DCLK1: variants seen among roughly 807,000 people sequenced by gnomAD.
DCLK1 encodes serine/threonine-protein kinase DCLK1.
DCLK1 carries 16 observed loss-of-function variants against 86.2 expected under a neutral mutation model. The observed-to-expected ratio is 0.19, with a 90% CI of 0.13 to 0.28. DCLK1 has a LOEUF of 0.28. Ranked by LOEUF, DCLK1 falls within the 10% of genes least tolerant of loss-of-function variation. DCLK1 has a pLI of 1.00. For missense variants in DCLK1, 590 were observed against 940.2 expected (o/e 0.63, Z 4.87); for synonymous variants, 369 against 370.5 (o/e 1.00, Z 0.05).
Position 35,846,582 on chromosome 13 carries a change from A to C in DCLK1, c.1036-7406T>G, listed in dbSNP as rs539960786. On this transcript the variant is annotated intron_variant, in intron 6 of 16. Coordinates refer to ENST00000360631, the MANE Select transcript of DCLK1 (RefSeq NM_001330071.2). ...CTGATTTCCTCTTTTTTCCACATGCATAACAGGCACAAAATTACAAATATT... is the reference window on the plus strand; with the variant it reads ...CTGATTTCCTCTTTTTTCCACATGCCTAACAGGCACAAAATTACAAATATT... 631 of 985,360 alleles carry C rather than the reference A, an allele frequency of 6.4e-4. 4 individuals carry two copies. In the African/African-American group the frequency reaches 0.011, roughly 16 times the overall value. 61.0% of individuals were successfully genotyped at this position (985,360 alleles called of 1,614,324 possible).
chr13:35,976,525 G>GTTTTTTTTTTTTGTTTTTTTTTTTT (rs1879343151), intron 3 of DCLK1, among the ~76,000 whole-genome samples: 1 of 56,350 alleles, frequency 1.8e-5, no homozygotes, highest in African/African-American at 6.2e-5. Context: ...CTTCTCCGAG[G>GTTTTTTTTTTTTGTTTTTTTTTTTT]TTTTTTTTTT....
intron 3 of DCLK1, among the ~76,000 whole-genome samples, chr13:36,094,472 C>T (rs866809888): frequency 4.6e-5 from 7 of 152,096 alleles, no homozygotes; most frequent in Non-Finnish European, 4.4e-5. Context: ...TGTTCTGTTG[C>T]GTTATTAAAC....
At chr13:35,989,537 G>C (rs1351371779) in intron 3 of DCLK1, among the ~76,000 whole-genome samples, 1 of 152,102 alleles carries the variant, frequency 6.6e-6, no homozygotes, top group East Asian at 1.9e-4. Flanking sequence ...TTCCCAAAGT[G>C]CTGGGATTAC....
intron 3 of DCLK1, among the ~76,000 whole-genome samples, chr13:36,008,223 TATTA>T (rs1431531766): frequency 1.0e-3 from 86 of 83,462 alleles, no homozygotes; most frequent in African/African-American, 1.2e-3. Flanking sequence ...TTATTATTAT[TATTA>T]TTTTTTTAAT....
intron 3 of DCLK1, among the ~76,000 whole-genome samples, chr13:35,988,700 T>G (rs966160848): frequency 2.0e-5 from 3 of 152,218 alleles, no homozygotes; most frequent in Non-Finnish European, 4.4e-5. Context: ...AACTGGTGAC[T>G]CCTCACTGTC....
intron 3 of DCLK1, among the ~76,000 whole-genome samples, chr13:36,075,045 A>G (rs556151002): frequency 1.1e-3 from 163 of 152,274 alleles, no homozygotes; most frequent in Non-Finnish European, 1.8e-3. Context: ...GGGGGGAAAA[A>G]CCCAATCTTT....
rs1593608528 is a variant in DCLK1, at chr13:35,805,485, G to A, written c.1944+214C>T. 1.3e-5 allele frequency: 6 copies of A among 462,460 alleles called. No individual in the cohort carries two copies. The East Asian group carries it at 2.1e-4, about 16-fold the overall frequency. The allele number at this position is 462,460 out of a possible 1,614,324, so 28.6% of individuals were successfully genotyped here. ...CTAATTTTTTGTATTTTTTGGTAGA[G>A]ATGGGGTTTTGCCATGTTGCCCAAG... On this transcript the variant is annotated intron_variant, in intron 15 of 16. Transcript: ENST00000360631.
At chr13:36,088,102 A>G (rs1456872980) in intron 3 of DCLK1, among the ~76,000 whole-genome samples, 1 of 152,242 alleles carries the variant, frequency 6.6e-6, no homozygotes, top group Non-Finnish European at 1.5e-5. Flanking sequence ...TCTCTCCTGT[A>G]TAGTGGGAAA....
chr13:35,910,465 G>A (rs955435099), intron 4 of DCLK1, among the ~76,000 whole-genome samples: 1 of 152,152 alleles, frequency 6.6e-6, no homozygotes, highest in Non-Finnish European at 1.5e-5. Flanking sequence ...AGAAATGAGA[G>A]GACAGCTCCA....
chr13:36,112,514 G>A (rs560797808), intron 2 of DCLK1, among the ~76,000 whole-genome samples: 26 of 152,280 alleles, frequency 1.7e-4, no homozygotes, highest in African/African-American at 6.3e-4. Flanking sequence ...AAGTGTGAAA[G>A]TGAATTTAAA....
rs575549540 is a variant in DCLK1 at position 35,959,791 on chromosome 13, G to C, written c.724-12334C>G. 8.6e-5 allele frequency among the ~76,000 whole-genome samples: 13 copies of C among 151,970 alleles called. No individual in the cohort carries two copies. In the South Asian group the frequency reaches 2.5e-3, roughly 29 times the overall value. Reference sequence around the variant, plus strand: ...TCCTGTAATTTCCAAAGGCAGGGTAGGGCACAATCAAGACCCACCACTCCT... The same window carrying C: ...TCCTGTAATTTCCAAAGGCAGGGTACGGCACAATCAAGACCCACCACTCCT... On this transcript the variant is annotated intron_variant, in intron 3 of 16. Transcript: ENST00000360631.
chr13:36,111,847 C>T (rs1263835744), intron 3 of DCLK1, 22 bp downstream of exon 3: 1 of 1,586,756 alleles, frequency 6.3e-7, no homozygotes. Flanking sequence ...AAGTCAAAGT[C>T]ACATCACAAT....
Position 35,774,060 on chromosome 13 carries a change from A to G in DCLK1, c.*475T>C, listed in dbSNP as rs554637393. On this transcript the variant is annotated 3_prime_UTR_variant, in exon 17 of 17. Transcript: ENST00000360631. ...AAACCCACAGAAAAGGACAAACAAG[A>G]TATCATTCTAAATGTCCTTCTTTTC... is the stretch of plus-strand genomic sequence containing the variant. 3.2e-5 allele frequency: 5 copies of G among 154,130 alleles called. No homozygotes were observed. The East Asian group carries it at 7.7e-4, about 24-fold the overall frequency. The allele number at this position is 154,130 out of a possible 1,614,324, so 9.5% of individuals were successfully genotyped here.
chr13:35,878,765 A>G (rs1872721762), intron 4 of DCLK1, among the ~76,000 whole-genome samples: 1 of 151,584 alleles, frequency 6.6e-6, no homozygotes, highest in Non-Finnish European at 1.5e-5. Context: ...ATAAATACAT[A>G]CACTTACTAT....
chr13:36,030,235 C>T (rs1462873542), intron 3 of DCLK1, among the ~76,000 whole-genome samples: 1 of 152,176 alleles, frequency 6.6e-6, no homozygotes, highest in African/African-American at 2.4e-5. Flanking sequence ...TCTGTAAGAG[C>T]TCATATTCAA....
In DCLK1 at chr13:35,963,077, C is replaced by T. The variant is rs202166693; in HGVS notation, c.724-15620G>A. Among the ~76,000 whole-genome samples the T allele has an allele frequency of 3.3e-5, 5 of 152,324 alleles. No individual in the cohort carries two copies. The East Asian group carries it at 7.7e-4, about 24-fold the overall frequency. On this transcript the variant is annotated intron_variant, in intron 3 of 16. Coordinates refer to ENST00000360631, the MANE Select transcript of DCLK1 (RefSeq NM_001330071.2). ...GAATCATGGGCAGGACCTTGCACTG[C>T]AGCGAATCAGCAGAACTGGATTCTC...
At chr13:35,789,943 T>C (rs1366943590) in intron 16 of DCLK1, among the ~76,000 whole-genome samples, 1 of 152,088 alleles carries the variant, frequency 6.6e-6, no homozygotes, top group Non-Finnish European at 1.5e-5. Context: ...CAATGGCGTC[T>C]CTCTGAGAGG....
intron 16 of DCLK1, among the ~76,000 whole-genome samples, chr13:35,782,281 A>T (rs1319043392): frequency 2.0e-5 from 3 of 152,132 alleles, no homozygotes; most frequent in Non-Finnish European, 4.4e-5. Context: ...TTAAAATTAC[A>T]GCCAATTGGT....
At chr13:36,101,295 A>T (rs1885209443) in intron 3 of DCLK1, among the ~76,000 whole-genome samples, 1 of 152,190 alleles carries the variant, frequency 6.6e-6, no homozygotes, top group Admixed American at 6.5e-5. Flanking sequence ...CCATACAGGA[A>T]GCCATTCACC....
Sources: gnomAD v4.1 joint callset for allele counts (sites outside exome capture counted in the v4.1 genomes callset) on GRCh38, gnomAD v4.1.1 for gene constraint, MANE v1.5 for transcripts, NCBI Gene and HGNC (gene_info 2026-07-23, HGNC 2026-07-21) for gene names.